The following IGSF21 variants were observed in gnomAD, a reference collection of about 807,000 sequenced individuals.
IGSF21 encodes the protein immunoglobin superfamily member 21.
In IGSF21, 28 loss-of-function variants were observed where a neutral mutation model predicts 46.8. That is an observed-to-expected ratio of 0.60 (90% CI 0.44 to 0.82). The LOEUF is 0.82. IGSF21 is among the 40% of genes least tolerant of loss of function. IGSF21 has a pLI of 0.00. For synonymous variants in IGSF21, 284 were observed against 273.6 expected (o/e 1.04, Z -0.38); for missense variants, 624 against 665.5 (o/e 0.94, Z 0.69).
intron 2 of IGSF21, among the ~76,000 whole-genome samples, chr1:18,260,271 A>C (rs2084934345): frequency 6.6e-6 from 1 of 152,248 alleles, no homozygotes; most frequent in Non-Finnish European, 1.5e-5. Flanking sequence ...TCCAGGGGCC[A>C]AGGCCAGCCA....
At chr1:18,191,295 G>T (rs1313947370) in intron 1 of IGSF21, among the ~76,000 whole-genome samples, 2 of 152,146 alleles carry the variant, frequency 1.3e-5, no homozygotes, top group Non-Finnish European at 2.9e-5. Flanking sequence ...TTACTATGGG[G>T]ATCCCTTGAG....
chr1:18,344,309 T>C (rs972436282), intron 4 of IGSF21, among the ~76,000 whole-genome samples: 1 of 152,150 alleles, frequency 6.6e-6, no homozygotes, highest in East Asian at 1.9e-4. Context: ...GCTGGGACTA[T>C]AGGTGTGTGC....
At position 18,312,643 on chromosome 1, in the gene IGSF21, C is replaced by T. The variant is rs138812467; in HGVS notation, c.305+20656C>T. On this transcript the variant is annotated intron_variant, in intron 3 of 9. Coordinates refer to ENST00000251296, the MANE Select transcript of IGSF21 (RefSeq NM_032880.5). ...GCTCTGGCCTCTGCTGCCATCATCA[C>T]ATCCCCTCCCGCTCCGACCCTCCTG... 3.9e-5 allele frequency among the ~76,000 whole-genome samples: 6 copies of T among 152,324 alleles called. No individual in the cohort carries two copies. The East Asian group carries it at 1.2e-3, about 29-fold the overall frequency.
intron 1 of IGSF21, among the ~76,000 whole-genome samples, chr1:18,130,010 G>A (rs1420238946): frequency 1.3e-5 from 2 of 152,196 alleles, no homozygotes; most frequent in Non-Finnish European, 2.9e-5. Flanking sequence ...TACCCATGTT[G>A]TGATATTTTG....
At chr1:18,141,500 G>A (rs1010916503) in intron 1 of IGSF21, among the ~76,000 whole-genome samples, 6 of 152,116 alleles carry the variant, frequency 3.9e-5, no homozygotes, top group Non-Finnish European at 5.9e-5. Context: ...TAGGGCAGGG[G>A]GTTGGGGGAG....
At chr1:18,366,298 C>A (rs979853829) in intron 6 of IGSF21, among the ~76,000 whole-genome samples, 13 of 152,056 alleles carry the variant, frequency 8.5e-5, no homozygotes, top group Admixed American at 7.9e-4. Flanking sequence ...AGTCGGGTTT[C>A]TTCAGGAAGG....
intron 1 of IGSF21, chr1:18,115,889 G>T (rs1046051835): frequency 1.0e-5 from 1 of 99,000 alleles, no homozygotes; most frequent in Non-Finnish European, 1.9e-5. Context: ...AAGAAAGAAA[G>T]AAAGAAAGAA....
chr1:18,359,338 A>AAAAGAAAGAAAGAAAGAAAG (rs1173594584), intron 4 of IGSF21, among the ~76,000 whole-genome samples: 18 of 35,370 alleles, frequency 5.1e-4, no homozygotes, highest in African/African-American at 1.2e-3. Context: ...AAGAGAAAGA[A>AAAAGAAAGAAAGAAAGAAAG]AAAGAAAGAA....
chr1:18,174,130 G>C (rs1291527130), intron 1 of IGSF21, among the ~76,000 whole-genome samples: 6 of 152,172 alleles, frequency 3.9e-5, no homozygotes, highest in Non-Finnish European at 8.8e-5. Context: ...GTGGCTTGCG[G>C]GGAATCACAC....
At chr1:18,145,911 C>A (rs1425627019) in intron 1 of IGSF21, among the ~76,000 whole-genome samples, 1 of 152,144 alleles carries the variant, frequency 6.6e-6, no homozygotes, top group Non-Finnish European at 1.5e-5. Flanking sequence ...TGTTTCCAGG[C>A]TCTGGCTCAA....
intron 1 of IGSF21, chr1:18,111,337 C>T (rs1419720000): frequency 3.9e-5 from 6 of 152,172 alleles, no homozygotes; most frequent in Non-Finnish European, 7.3e-5. Context: ...TTTTCATTTT[C>T]GTGTTTTAAG....
At chr1:18,268,768 G>A (rs932686297) in intron 2 of IGSF21, among the ~76,000 whole-genome samples, 2 of 152,162 alleles carry the variant, frequency 1.3e-5, no homozygotes, top group African/African-American at 2.4e-5. Flanking sequence ...CCCTCCTGAA[G>A]GTCTCCAGGG....
At chr1:18,232,409 G>A (rs2084637203) in intron 2 of IGSF21, among the ~76,000 whole-genome samples, 1 of 152,084 alleles carries the variant, frequency 6.6e-6, no homozygotes, top group Non-Finnish European at 1.5e-5. Flanking sequence ...ACTAATTTGA[G>A]TGGCTGACAT....
At chr1:18,263,861 C>G (rs760577463) in intron 2 of IGSF21, among the ~76,000 whole-genome samples, 1 of 144,766 alleles carries the variant, frequency 6.9e-6, no homozygotes, top group Non-Finnish European at 1.6e-5. Context: ...CTTCTGTAGT[C>G]AGTTAAACAA....
intron 2 of IGSF21, among the ~76,000 whole-genome samples, chr1:18,241,140 G>C (rs1302516643): frequency 1.3e-5 from 2 of 152,194 alleles, no homozygotes; most frequent in Non-Finnish European, 2.9e-5. Flanking sequence ...AGGAGGGGGA[G>C]GATGTGAACG....
In IGSF21 at chr1:18,267,192, GAAAATAAA is replaced by G. The variant is rs563781075; in HGVS notation, c.184-24673_184-24666del. Among the ~76,000 whole-genome samples, 125 of 152,318 alleles carry G rather than the reference GAAAATAAA, an allele frequency of 8.2e-4. 1 individual carries two copies. Among genetic ancestry groups the G allele is most frequent in the African/African-American group, 2.9e-3 (120 of 41,562 alleles). On this transcript the variant is annotated intron_variant, in intron 2 of 9. Transcript: ENST00000251296. The stretch of plus-strand genomic sequence containing the variant: ...GTGAGGCAGGACACTGATATAAGCA[GAAAATAAA>G]TGTCATTGTACACTGAGGACCAGCT...
intron 6 of IGSF21, among the ~76,000 whole-genome samples, chr1:18,371,427 C>T (rs749270851): frequency 3.9e-4 from 59 of 152,084 alleles, no homozygotes; most frequent in Admixed American, 7.9e-4. Flanking sequence ...CAAAAATTAG[C>T]TGGGTATGGT....
At chr1:18,195,061 T>G (rs1009850006) in intron 1 of IGSF21, among the ~76,000 whole-genome samples, 9 of 152,178 alleles carry the variant, frequency 5.9e-5, no homozygotes, top group African/African-American at 2.2e-4. Flanking sequence ...GCCCCCATGA[T>G]TCAATGATCT....
chr1:18,143,741 C>A (rs1427099859), intron 1 of IGSF21, among the ~76,000 whole-genome samples: 1 of 152,148 alleles, frequency 6.6e-6, no homozygotes, highest in East Asian at 1.9e-4. Flanking sequence ...ACCTGGTAGG[C>A]CCGTGCCTTC....
Sources: gnomAD v4.1 joint callset for allele counts (sites outside exome capture counted in the v4.1 genomes callset) on GRCh38, gnomAD v4.1.1 for gene constraint, MANE v1.5 for transcripts, NCBI Gene and HGNC (gene_info 2026-07-23, HGNC 2026-07-21) for gene names.